RANBP17: variants seen among roughly 807,000 people sequenced by gnomAD.
The protein encoded by RANBP17 is ran-binding protein 17.
Under a neutral mutation model 141.2 loss-of-function variants are expected in RANBP17, and 158 were observed. The observed-to-expected ratio is 1.12, with a 90% CI of 0.98 to 1.28. The LOEUF (loss-of-function observed/expected upper bound fraction) is 1.28, where lower values mean the gene tolerates loss of function less well. RANBP17 is among the 50% of genes most tolerant of loss of function. The probability of loss-of-function intolerance (pLI) is 0.00; values close to 1 mark genes in which losing one functional copy is unlikely to be tolerated. For missense variants in RANBP17, 1,438 were observed against 1,290.7 expected (o/e 1.11, Z -1.75); for synonymous variants, 430 against 450.0 (o/e 0.96, Z 0.56).
intron 14 of RANBP17, among the ~76,000 whole-genome samples, chr5:171,066,328 T>C (rs1442667793): frequency 1.3e-5 from 2 of 152,200 alleles, no homozygotes; most frequent in Non-Finnish European, 2.9e-5. Context: ...CAACTTCACC[T>C]TCCTCCAGTC....
intron 14 of RANBP17, among the ~76,000 whole-genome samples, chr5:171,034,221 C>G (rs770538530): frequency 6.6e-6 from 1 of 152,134 alleles, no homozygotes; most frequent in Non-Finnish European, 1.5e-5. Flanking sequence ...TTTGCCAAAG[C>G]AATAGTAACC....
In RANBP17 at chr5:171,064,870, T is replaced by TA. The variant is rs765136011; in HGVS notation, c.1710+96505dup. 3.0e-3 allele frequency among the ~76,000 whole-genome samples: 441 copies of TA among 146,722 alleles called. 2 individuals carry two copies. The highest frequency in any genetic ancestry group is 7.1e-3 in the South Asian group (33 of 4,646). On this transcript the variant is annotated intron_variant, in intron 14 of 27. Coordinates refer to ENST00000523189, the MANE Select transcript of RANBP17 (RefSeq NM_022897.5). ...TTCTATAGGTTGATTTTCCTCAATT[T>TA]AAAAAAAAAAAATCCTTGATTTATT...
intron 14 of RANBP17, among the ~76,000 whole-genome samples, chr5:171,011,404 G>A (rs561845841): frequency 1.3e-5 from 2 of 151,598 alleles, no homozygotes; most frequent in South Asian, 2.1e-4. Context: ...GTAGTTATTC[G>A]TTCTGTTCTT....
chr5:171,097,476 C>A (rs1786775169), intron 14 of RANBP17, among the ~76,000 whole-genome samples: 1 of 151,830 alleles, frequency 6.6e-6, no homozygotes, highest in Admixed American at 6.6e-5. Flanking sequence ...GTTAGATACA[C>A]AGTGAATGAG....
Position 170,878,272 on chromosome 5 carries a change from T to A in RANBP17, c.165+29T>A, listed in dbSNP as rs1486554799. 1.9e-6 allele frequency: 3 copies of A among 1,576,782 alleles called. No homozygotes were observed. In the African/African-American group the frequency reaches 4.1e-5, roughly 21 times the overall value. ...AGTATTTGGTAACAATGATTAACCA[T>A]GAAAGATCAGTAGATGTATGTCATT... On this transcript the variant is annotated intron_variant, in intron 2 of 27. Transcript: ENST00000523189.
intron 14 of RANBP17, among the ~76,000 whole-genome samples, chr5:171,027,625 C>A (rs1781306768): frequency 1.3e-5 from 2 of 151,790 alleles, no homozygotes; most frequent in Admixed American, 6.6e-5. Flanking sequence ...ATTAATGTCA[C>A]CAGGGCTTGC....
intron 14 of RANBP17, among the ~76,000 whole-genome samples, chr5:170,999,894 A>G (rs1206075149): frequency 6.6e-6 from 1 of 152,152 alleles, no homozygotes; most frequent in Non-Finnish European, 1.5e-5. Context: ...CCATTAAACA[A>G]TAATTTGCAT....
intron 8 of RANBP17, among the ~76,000 whole-genome samples, chr5:170,915,619 T>C (rs966375036): frequency 3.3e-5 from 5 of 152,096 alleles, no homozygotes; most frequent in African/African-American, 9.7e-5. Flanking sequence ...TTTTGTCTCT[T>C]TTCTCACCGT....
chr5:171,122,978 A>G (rs1350638972), intron 14 of RANBP17, among the ~76,000 whole-genome samples: 2 of 152,136 alleles, frequency 1.3e-5, no homozygotes, highest in African/African-American at 2.4e-5. Flanking sequence ...AACTCTAGCT[A>G]ATGCAGTCCT....
At chr5:170,955,290 A>G (rs1262149670) in intron 13 of RANBP17, among the ~76,000 whole-genome samples, 2 of 151,812 alleles carry the variant, frequency 1.3e-5, no homozygotes, top group Non-Finnish European at 2.9e-5. Context: ...TAACAAATGT[A>G]TTATTTCAAT....
At chr5:171,294,757 T>C (rs1482200188) in intron 26 of RANBP17, among the ~76,000 whole-genome samples, 5 of 152,224 alleles carry the variant, frequency 3.3e-5, no homozygotes, top group Non-Finnish European at 7.3e-5. Context: ...CTCGGTGTTA[T>C]TGTGATTTAA....
At chr5:171,193,579 C>G in intron 18 of RANBP17, among the ~76,000 whole-genome samples, 1 of 152,184 alleles carries the variant, frequency 6.6e-6, no homozygotes, top group Non-Finnish European at 1.5e-5. Flanking sequence ...GGTCAGATGT[C>G]CAAATGGGTC....
At chr5:171,111,570 A>G (rs537348159) in intron 14 of RANBP17, among the ~76,000 whole-genome samples, 102 of 152,170 alleles carry the variant, frequency 6.7e-4, no homozygotes, top group African/African-American at 2.4e-3. Flanking sequence ...CATTTCTTTC[A>G]AAGTGAAACC....
chr5:171,162,371 C>T (rs930665226), intron 14 of RANBP17, among the ~76,000 whole-genome samples: 5 of 152,148 alleles, frequency 3.3e-5, no homozygotes, highest in African/African-American at 1.2e-4. Context: ...AACTGGTGCA[C>T]TCAACCCAGG....
At chr5:171,280,442 T>C (rs1767785323) in intron 25 of RANBP17, among the ~76,000 whole-genome samples, 1 of 152,168 alleles carries the variant, frequency 6.6e-6, no homozygotes, top group Non-Finnish European at 1.5e-5. Context: ...CACACCCAGC[T>C]AATTTTTTTG....
At chr5:170,892,809 T>C (rs947220094) in intron 4 of RANBP17, among the ~76,000 whole-genome samples, 1 of 152,214 alleles carries the variant, frequency 6.6e-6, no homozygotes, top group Admixed American at 6.5e-5. Context: ...ATGACACATA[T>C]GTCTATGTAC....
intron 14 of RANBP17, among the ~76,000 whole-genome samples, chr5:171,108,254 A>G (rs984219407): frequency 1.3e-5 from 2 of 152,052 alleles, no homozygotes; most frequent in African/African-American, 4.8e-5. Context: ...AATTTTCAGT[A>G]TTGTTTTTCA....
At chr5:171,076,374 G>A (rs913786190) in intron 14 of RANBP17, among the ~76,000 whole-genome samples, 3 of 152,172 alleles carry the variant, frequency 2.0e-5, no homozygotes, top group Admixed American at 2.0e-4. Flanking sequence ...ATTTCTACTG[G>A]AAATATCACT....
intron 14 of RANBP17, among the ~76,000 whole-genome samples, chr5:171,071,067 G>T (rs810497): frequency 1.3e-5 from 2 of 151,802 alleles, no homozygotes; most frequent in African/African-American, 4.8e-5. Context: ...AAAAAAATTT[G>T]TATGAATTAC....
Sources: allele counts gnomAD v4.1 joint callset (sites outside exome capture counted in the v4.1 genomes callset), GRCh38; gene constraint gnomAD v4.1.1; transcripts MANE v1.5; gene names NCBI Gene and HGNC (gene_info 2026-07-23, HGNC 2026-07-21).